Variants in HDAC9 observed in about 807,000 individuals in gnomAD.
HDAC9 encodes the protein histone deacetylase 9, also known as MEF-2 interacting transcription repressor (MITR) protein.
Under a neutral mutation model 139.4 loss-of-function variants are expected in HDAC9, and 41 were observed. The observed-to-expected ratio is 0.29, with a 90% confidence interval of 0.23 to 0.38. HDAC9 has a LOEUF of 0.38. HDAC9 is among the 10% of genes least tolerant of loss of function. The probability of loss-of-function intolerance (pLI) is 1.00; values close to 1 mark genes in which losing one functional copy is unlikely to be tolerated. For synonymous variants in HDAC9, 517 were observed against 476.2 expected, an observed-to-expected ratio of 1.09 and a Z score of -1.12; for missense variants, 1,147 against 1,297.0, an observed-to-expected ratio of 0.88 and a Z score of 1.78.
chr7:18,534,325 C>T (rs1245064992), intron 2 of HDAC9, among the ~76,000 whole-genome samples: 1 of 152,134 alleles, frequency 6.6e-6, no homozygotes, highest in Non-Finnish European at 1.5e-5. Flanking sequence ...GAGGCTGAGG[C>T]AGGAGGGCTG....
At chr7:18,936,442 T>C (rs1050888360) in intron 23 of HDAC9, among the ~76,000 whole-genome samples, 2 of 152,190 alleles carry the variant, frequency 1.3e-5, no homozygotes, top group African/African-American at 4.8e-5. Flanking sequence ...GAATGCATTA[T>C]AAGATCCAAG....
At chr7:18,291,082 G>A (rs144039577) in intron 1 of HDAC9, among the ~76,000 whole-genome samples, 79 of 152,154 alleles carry the variant, frequency 5.2e-4, no homozygotes, top group Non-Finnish European at 8.2e-4. Flanking sequence ...CACCTCTGTG[G>A]TACACTCCCT....
chr7:18,548,294 C>G (rs1313793687), intron 2 of HDAC9, among the ~76,000 whole-genome samples: 1 of 151,998 alleles, frequency 6.6e-6, no homozygotes, highest in Non-Finnish European at 1.5e-5. Context: ...TCAAAGATCA[C>G]TGATTACAGA....
At chr7:18,684,745 C>A (rs1193010900) in intron 12 of HDAC9, among the ~76,000 whole-genome samples, 1 of 151,806 alleles carries the variant, frequency 6.6e-6, no homozygotes, top group Non-Finnish European at 1.5e-5. Context: ...TATGAAGTAA[C>A]CCCCTACACA....
At chr7:18,552,439 T>TA (rs377284748) in intron 2 of HDAC9, among the ~76,000 whole-genome samples, 2,598 of 147,766 alleles carry the variant, frequency 0.018, 31 homozygotes, top group Non-Finnish European at 0.022. Context: ...GCAACAAAGT[T>TA]AAAAAAAAAA....
intron 14 of HDAC9, among the ~76,000 whole-genome samples, chr7:18,757,104 CA>C (rs1788949898): frequency 6.6e-6 from 1 of 151,914 alleles, no homozygotes; most frequent in African/African-American, 2.4e-5. Flanking sequence ...ATAAAAAAAT[CA>C]ATAAGACCAT....
At chr7:18,619,847 C>T (rs1307068002) in intron 6 of HDAC9, among the ~76,000 whole-genome samples, 1 of 152,144 alleles carries the variant, frequency 6.6e-6, no homozygotes. Flanking sequence ...TGGTTATTTC[C>T]TCTGCATAGA....
At chr7:18,330,933 C>G (rs575195293) in intron 1 of HDAC9, among the ~76,000 whole-genome samples, 5 of 151,602 alleles carry the variant, frequency 3.3e-5, no homozygotes, top group Non-Finnish European at 7.4e-5. Flanking sequence ...GGCAAATAAC[C>G]CTGAGGAGAA....
In HDAC9 at chr7:19,000,696, A is replaced by G. The variant is rs1786708353; in HGVS notation, c.*4634A>G. The G allele has an allele frequency of 6.6e-6, 1 of 152,214 alleles. No individual in the cohort carries two copies. Among genetic ancestry groups the G allele is most frequent in the African/African-American group, 2.4e-5 (1 of 41,448 alleles). 9.4% of individuals were successfully genotyped at this position (152,214 alleles called of 1,614,324 possible). A position where few individuals can be genotyped will look rare whatever the true frequency, so the allele number is the denominator to read the frequency against. ...GGTAATAAGGTTGTTGCAATTTCTC[A>G]AAGCATCTTAATTCTCAAACTGAAA... On this transcript the variant is annotated 3_prime_UTR_variant, in exon 26 of 26. Transcript: ENST00000686413.
intron 21 of HDAC9, among the ~76,000 whole-genome samples, chr7:18,843,660 A>G (rs1184098948): frequency 6.8e-6 from 1 of 146,294 alleles, no homozygotes. Context: ...TCATAGAGTG[A>G]ATTTTTTTTT....
At chr7:18,319,035 G>A (rs896454331) in intron 1 of HDAC9, among the ~76,000 whole-genome samples, 7 of 152,184 alleles carry the variant, frequency 4.6e-5, no homozygotes, top group Non-Finnish European at 8.8e-5. Flanking sequence ...CCTGTAGTGT[G>A]ACAAGCACTG....
At chr7:18,156,900 C>T (rs534398847) in intron 1 of HDAC9, among the ~76,000 whole-genome samples, 8 of 152,002 alleles carry the variant, frequency 5.3e-5, no homozygotes, top group South Asian at 4.2e-4. Flanking sequence ...TGAGGCAGGA[C>T]GATAGGGATA....
At chr7:18,781,234 T>C (rs1348415248) in intron 16 of HDAC9, among the ~76,000 whole-genome samples, 2 of 152,036 alleles carry the variant, frequency 1.3e-5, no homozygotes, top group Admixed American at 1.3e-4. Flanking sequence ...CTGAATACAG[T>C]CCCATTGGGC....
In HDAC9 at chr7:18,745,969, G is replaced by A. The variant is rs563007913; in HGVS notation, c.1910-3036G>A. Among the ~76,000 whole-genome samples, 3 of 133,220 alleles carry A rather than the reference G, an allele frequency of 2.3e-5. No homozygotes were observed. The South Asian group carries it at 6.9e-4, about 31-fold the overall frequency. 87.4% of individuals were successfully genotyped at this position (133,220 alleles called of 152,430 possible). On this transcript the variant is annotated intron_variant, in intron 13 of 25. Transcript: ENST00000686413. Reference sequence around the variant, plus strand: ...TGCAGTGGCTCAATCACTGCTCACTGCTGCATTGGCGTCCTGGGCTCAAGC... The same window carrying A: ...TGCAGTGGCTCAATCACTGCTCACTACTGCATTGGCGTCCTGGGCTCAAGC...
At chr7:18,905,560 T>A (rs1377413375) in intron 22 of HDAC9, among the ~76,000 whole-genome samples, 1 of 152,198 alleles carries the variant, frequency 6.6e-6, no homozygotes, top group East Asian at 1.9e-4. Flanking sequence ...AGCTCAACAG[T>A]GCCATTTTTA....
At chr7:18,995,710 A>G (rs971734829) in intron 25 of HDAC9, among the ~76,000 whole-genome samples, 14 of 152,164 alleles carry the variant, frequency 9.2e-5, no homozygotes, top group Non-Finnish European at 1.3e-4. Flanking sequence ...ATAAAATATC[A>G]TAGTTAATTT....
chr7:18,524,230 T>C (rs975599727), intron 2 of HDAC9, among the ~76,000 whole-genome samples: 2 of 152,198 alleles, frequency 1.3e-5, no homozygotes, highest in Non-Finnish European at 2.9e-5. Context: ...TTAACTGCCA[T>C]ATTTCTTGTA....
chr7:18,462,823 G>A (rs553652505), intron 1 of HDAC9, among the ~76,000 whole-genome samples: 4 of 152,024 alleles, frequency 2.6e-5, no homozygotes, highest in African/African-American at 9.6e-5. Flanking sequence ...TTTTGATCAT[G>A]TTTAATAGTG....
At chr7:18,222,382 A>G (rs1030609805) in intron 2 of HDAC9, among the ~76,000 whole-genome samples, 30 of 152,150 alleles carry the variant, frequency 2.0e-4, no homozygotes, top group Non-Finnish European at 2.2e-4. Flanking sequence ...ACGTGTTTTC[A>G]AAAGGGCAGG....
Sources: gnomAD v4.1 joint callset for allele counts (sites outside exome capture counted in the v4.1 genomes callset) on GRCh38, gnomAD v4.1.1 for gene constraint, MANE v1.5 for transcripts, NCBI Gene and HGNC (gene_info 2026-07-23, HGNC 2026-07-21) for gene names.